Variants in FBXO34 observed in about 807,000 individuals in gnomAD.
FBXO34 encodes F-box protein 34, also known as F-box only protein 34.
A neutral mutation model predicts 24.5 loss-of-function variants in FBXO34; 12 were observed. The observed-to-expected ratio is 0.49, with a 90% CI of 0.31 to 0.79. FBXO34 has a LOEUF of 0.79. FBXO34 is among the 30% of genes least tolerant of loss of function. The pLI is 0.04. For synonymous variants in FBXO34, 320 were observed against 311.9 expected (o/e 1.03, Z -0.27); for missense variants, 823 against 857.7 (o/e 0.96, Z 0.51).
At chr14:55,390,402 T>C in the FBXO34 span, among the ~76,000 whole-genome samples, 1 of 151,158 alleles carries the variant, frequency 6.6e-6, no homozygotes, top group Non-Finnish European at 1.5e-5. Flanking sequence ...TGAGACAGAG[T>C]CTGGCTCTGT....
the FBXO34 span, chr14:55,436,992 G>T: frequency 6.2e-7 from 1 of 1,614,098 alleles, no homozygotes; most frequent in South Asian, 1.1e-5. Flanking sequence ...GGCTGAACAG[G>T]GGAGACCTGG....
chr14:55,398,398 T>C, the FBXO34 span, among the ~76,000 whole-genome samples: 8 of 152,242 alleles, frequency 5.3e-5, no homozygotes, highest in African/African-American at 1.7e-4. Flanking sequence ...TTAAATATAA[T>C]CACATGAAGT....
chr14:55,338,201 C>T (rs1284239533), intron 1 of FBXO34, among the ~76,000 whole-genome samples: 1 of 151,784 alleles, frequency 6.6e-6, no homozygotes, highest in Non-Finnish European at 1.5e-5. Flanking sequence ...AGGCACGTGC[C>T]ACCACACCCA....
At chr14:55,295,475 T>A (rs1239385404) in intron 1 of FBXO34, among the ~76,000 whole-genome samples, 2 of 147,644 alleles carry the variant, frequency 1.4e-5, no homozygotes, top group African/African-American at 2.5e-5. Context: ...ACTCACTGCA[T>A]CTTCTACCTT....
chr14:55,285,925 A>T (rs1300801253), intron 1 of FBXO34, among the ~76,000 whole-genome samples: 1 of 152,222 alleles, frequency 6.6e-6, no homozygotes, highest in Non-Finnish European at 1.5e-5. Flanking sequence ...GAGTGGTCTG[A>T]CAGTTACTAA....
At chr14:55,332,866 T>C (rs74807173) in intron 1 of FBXO34, among the ~76,000 whole-genome samples, 2,157 of 152,280 alleles carry the variant, frequency 0.014, 59 homozygotes, top group African/African-American at 0.049. Context: ...GAGGCACTGT[T>C]TGTGGTGACA....
downstream of FBXO34, chr14:55,369,613 T>C: frequency 6.7e-7 from 1 of 1,502,478 alleles, no homozygotes; most frequent in Non-Finnish European, 8.9e-7. Flanking sequence ...TTTTGGTCCA[T>C]GCTCGTTAAC....
At chr14:55,281,991 C>CTTTTTTTTTTTTTTTTTT (rs372305828) in intron 1 of FBXO34, among the ~76,000 whole-genome samples, 3 of 65,162 alleles carry the variant, frequency 4.6e-5, no homozygotes, top group Non-Finnish European at 8.3e-5. Flanking sequence ...TTAAATTTAG[C>CTTTTTTTTTTTTTTTTTT]TTTTTTTTTT....
chr14:55,295,387 A>ATTT (rs3051307), intron 1 of FBXO34, among the ~76,000 whole-genome samples: 45 of 91,366 alleles, frequency 4.9e-4, no homozygotes, highest in East Asian at 8.8e-4. Context: ...ATTCTTTTCT[A>ATTT]TTTTTTTTTT....
At chr14:55,284,881 G>T (rs1337471170) in intron 1 of FBXO34, among the ~76,000 whole-genome samples, 1 of 150,132 alleles carries the variant, frequency 6.7e-6, no homozygotes, top group Non-Finnish European at 1.5e-5. Flanking sequence ...CTCCCAAAAT[G>T]CTGTGAGAGT....
chr14:55,365,763 A>G (rs1414410857), downstream of FBXO34, among the ~76,000 whole-genome samples: 2 of 152,126 alleles, frequency 1.3e-5, no homozygotes, highest in Non-Finnish European at 2.9e-5. Flanking sequence ...GTTGCCTGCC[A>G]GCCTTCTGCT....
the FBXO34 span, chr14:55,438,734 C>G: frequency 6.6e-6 from 1 of 152,160 alleles, no homozygotes; most frequent in African/African-American, 2.4e-5. Flanking sequence ...CTGTGTAGCA[C>G]GTTCACTGCA....
chr14:55,275,663 A>T (rs1176321088), intron 1 of FBXO34, among the ~76,000 whole-genome samples: 2 of 151,694 alleles, frequency 1.3e-5, no homozygotes, highest in Admixed American at 6.6e-5. Flanking sequence ...AAAAAAAAAA[A>T]AATACAAAAA....
chr14:55,428,072 G>A, the FBXO34 span, among the ~76,000 whole-genome samples: 1 of 137,258 alleles, frequency 7.3e-6, no homozygotes, highest in African/African-American at 2.7e-5. Flanking sequence ...CCCCTCACCA[G>A]CTGTCAAGCC....
chr14:55,287,145 A>G (rs1881790412), intron 1 of FBXO34, among the ~76,000 whole-genome samples: 1 of 152,126 alleles, frequency 6.6e-6, no homozygotes, highest in Non-Finnish European at 1.5e-5. Context: ...ACCTCAGGTG[A>G]TCCATCTGCC....
At chr14:55,441,718 A>C in the FBXO34 span, among the ~76,000 whole-genome samples, 79,255 of 152,002 alleles carry the variant, frequency 0.52, 20,811 homozygotes, top group East Asian at 0.64. Context: ...CAGTGCCTGC[A>C]TAAGAGCTTA....
the FBXO34 span, among the ~76,000 whole-genome samples, chr14:55,428,380 C>T: frequency 3.9e-5 from 6 of 152,094 alleles, no homozygotes; most frequent in African/African-American, 1.4e-4. Context: ...CCGCCTGCCT[C>T]GGCCTCCCAA....
chr14:55,348,526 G>T (rs974872605), intron 1 of FBXO34, among the ~76,000 whole-genome samples: 1 of 152,086 alleles, frequency 6.6e-6, no homozygotes, highest in Non-Finnish European at 1.5e-5. Context: ...CCTGCCATAT[G>T]GCAGCCTCTA....
downstream of FBXO34, among the ~76,000 whole-genome samples, chr14:55,356,625 TA>T (rs200360303): frequency 1.8e-4 from 27 of 149,322 alleles, no homozygotes; most frequent in African/African-American, 4.9e-4. Context: ...CTGATTTTTT[TA>T]TTTTTTTATT....
Sources: gnomAD v4.1 joint callset for allele counts (sites outside exome capture counted in the v4.1 genomes callset) on GRCh38, gnomAD v4.1.1 for gene constraint, MANE v1.5 for transcripts, NCBI Gene and HGNC (gene_info 2026-07-23, HGNC 2026-07-21) for gene names.